SIPA1L1: variants seen among roughly 807,000 people sequenced by gnomAD.
SIPA1L1 encodes the protein signal-induced proliferation-associated 1-like protein 1.
Under a neutral mutation model 162.7 loss-of-function variants are expected in SIPA1L1, and 26 were observed. The observed-to-expected ratio is 0.16, with a 90% CI of 0.12 to 0.22. The LOEUF is 0.22. Ranked by LOEUF, SIPA1L1 falls within the 10% of genes least tolerant of loss-of-function variation. The pLI is 1.00. For missense variants in SIPA1L1, 1,874 were observed against 2,241.0 expected, an observed-to-expected ratio of 0.84 and a Z score of 3.31; for synonymous variants, 829 against 837.4, an observed-to-expected ratio of 0.99 and a Z score of 0.17.
intron 20 of SIPA1L1, 83 bp from the exon 21 acceptor site, chr14:71,733,583 A>G (rs941216463): frequency 4.4e-6 from 6 of 1,372,162 alleles, no homozygotes; most frequent in African/African-American, 2.9e-5. Context: ...CTTACAATCT[A>G]TTGTGGTAAC....
In SIPA1L1 at chr14:71,546,457, C is replaced by G. The variant is rs1446761006; in HGVS notation, c.-303+17087C>G. On this transcript the variant is annotated intron_variant, in intron 4 of 23. Coordinates refer to ENST00000381232, the MANE Select transcript of SIPA1L1 (RefSeq NM_001386936.1). ...GGTGCAGTGGCACAATCTCAGCTCA[C>G]TGCAACCTCCGCCTTCCAGGTTCAA... Among the ~76,000 whole-genome samples the G allele has an allele frequency of 4.1e-5, 6 of 147,814 alleles. No individual in the cohort carries two copies. In the Admixed American group the frequency reaches 4.1e-4, roughly 10 times the overall value.
At chr14:71,730,445 CCT>C in intron 20 of SIPA1L1, 144 bp downstream of exon 20, 2 of 920,184 alleles carry the variant, frequency 2.2e-6, no homozygotes, top group Admixed American at 2.4e-5. Context: ...CCTCATTTGC[CCT>C]CTCTCTCCTG....
At chr14:71,513,569 C>T (rs2051387635) in intron 3 of SIPA1L1, among the ~76,000 whole-genome samples, 1 of 152,080 alleles carries the variant, frequency 6.6e-6, no homozygotes, top group African/African-American at 2.4e-5. Context: ...CTCACTGTAA[C>T]CTCAAATTCG....
intron 8 of SIPA1L1, among the ~76,000 whole-genome samples, chr14:71,656,167 A>C (rs369780799): frequency 4.6e-5 from 7 of 152,234 alleles, no homozygotes; most frequent in Non-Finnish European, 2.9e-5. Flanking sequence ...GGCTGGTCAG[A>C]TAGCATACAT....
rs1356582384 is a variant in SIPA1L1, at chr14:71,702,494, C to G, written c.3635C>G (p.Ala1212Gly). The G allele has an allele frequency of 6.2e-7, 1 of 1,613,968 alleles. No individual in the cohort carries two copies. Among genetic ancestry groups the G allele is most frequent in the Non-Finnish European group, 8.5e-7 (1 of 1,179,944 alleles). Reference sequence around the variant, plus strand: ...TGGCAAAGAAGTGAGGATAGCATTGCTGACCAGATGGGTAAGTAATCAATT... The same window carrying G: ...TGGCAAAGAAGTGAGGATAGCATTGGTGACCAGATGGGTAAGTAATCAATT... ...PSWQRSEDSI[A>G]DQMEPTCHLP... The change falls in exon 15 of 24, where the codon GCT becomes GGT. Residue 1212 changes from alanine to glycine, a missense_variant. Physicochemically the swap from Ala to Gly is moderately conservative, Grantham distance 60 (BLOSUM62 0). Around this residue, in one of 5 missense-constraint regions of SIPA1L1, gnomAD observed 936 missense variants for 1,051.9 expected, o/e 0.89. Transcript: ENST00000381232.
intron 7 of SIPA1L1, among the ~76,000 whole-genome samples, chr14:71,644,679 G>A (rs996790044): frequency 6.6e-5 from 10 of 152,202 alleles, no homozygotes; most frequent in Non-Finnish European, 1.5e-4. Flanking sequence ...TAGAAAAAGA[G>A]TTAAGTGTTG....
chr14:71,729,416 G>A (rs1314745135), intron 19 of SIPA1L1, among the ~76,000 whole-genome samples: 2 of 152,152 alleles, frequency 1.3e-5, no homozygotes, highest in African/African-American at 4.8e-5. Context: ...TATCTACCTC[G>A]ATAGGTTCAG....
At chr14:71,534,714 T>C (rs530361576) in intron 4 of SIPA1L1, among the ~76,000 whole-genome samples, 21 of 152,292 alleles carry the variant, frequency 1.4e-4, no homozygotes, top group African/African-American at 4.3e-4. Context: ...TATCTGAATA[T>C]TTGGCTCCCT....
At chr14:71,723,512 G>C (rs2083935708) in intron 17 of SIPA1L1, 135 bp from the exon 18 acceptor site, 1 of 932,854 alleles carries the variant, frequency 1.1e-6, no homozygotes, top group Non-Finnish European at 1.6e-6. Context: ...AGGAAGGCCA[G>C]CCAGGCATCG....
chr14:71,426,499 T>TTTTC (rs1406333457), intron 2 of SIPA1L1, among the ~76,000 whole-genome samples: 1 of 147,242 alleles, frequency 6.8e-6, no homozygotes, highest in East Asian at 1.9e-4. Context: ...TTTTTTTTTT[T>TTTTC]TTTCCCAAAG....
chr14:71,598,380 T>G (rs1178074626), intron 5 of SIPA1L1: 1 of 261,066 alleles, frequency 3.8e-6, no homozygotes, highest in African/African-American at 2.3e-5. Flanking sequence ...GATAGTAACT[T>G]TATGGTGGAG....
At chr14:71,658,554 G>T in intron 9 of SIPA1L1, 118 bp downstream of exon 9, 1 of 711,000 alleles carries the variant, frequency 1.4e-6, no homozygotes. Context: ...CACAGCAGCG[G>T]GAAGCTTTGT....
At chr14:71,378,107 CT>C (rs34849312) in intron 2 of SIPA1L1, among the ~76,000 whole-genome samples, 24,788 of 145,996 alleles carry the variant, frequency 0.17, 2,617 homozygotes, top group Middle Eastern at 0.35. Context: ...TGTGTTTTGT[CT>C]TTTTTTTTTT....
chr14:71,519,909 C>A (rs1246138252), intron 3 of SIPA1L1, among the ~76,000 whole-genome samples: 1 of 151,878 alleles, frequency 6.6e-6, no homozygotes, highest in Non-Finnish European at 1.5e-5. Context: ...TGGATTATAA[C>A]CCACTGAATA....
rs765408013 is a variant in SIPA1L1 at position 71,672,503 on chromosome 14, G to A, written c.2985G>A (p.Val995=). 5.0e-6 allele frequency: 8 copies of A among 1,614,088 alleles called. No homozygotes were observed. The Admixed American group carries it at 1.2e-4, about 24-fold the overall frequency. The change falls in exon 12 of 24, where the codon GTG becomes GTA. Residue 995 remains valine (V), a synonymous_variant. Transcript: ENST00000381232. ...GGCTGAGGCAGGGCAGTCGCCTGGTGGAGATCTGCAAGGTGGCGGTAGCCA... is the reference window on the plus strand; with the variant it reads ...GGCTGAGGCAGGGCAGTCGCCTGGTAGAGATCTGCAAGGTGGCGGTAGCCA... ...QAGLRQGSRL[V]EICKVAVATL...
chr14:71,544,327 CAT>C (rs910672983), intron 4 of SIPA1L1, among the ~76,000 whole-genome samples: 1 of 150,088 alleles, frequency 6.7e-6, no homozygotes, highest in African/African-American at 2.5e-5. Context: ...TATGTATATA[CAT>C]ATATCATGTG....
intron 2 of SIPA1L1, among the ~76,000 whole-genome samples, chr14:71,495,250 C>A (rs2049645943): frequency 6.6e-6 from 1 of 151,932 alleles, no homozygotes; most frequent in Non-Finnish European, 1.5e-5. Flanking sequence ...GCCATCTAGT[C>A]CTGGTATTTT....
rs770541420 is a variant in SIPA1L1 at position 71,699,086 on chromosome 14, T to G, written c.3480T>G (p.Gly1160=). The change falls in exon 14 of 24, where the codon GGT becomes GGG. Residue 1160 remains glycine (G), a synonymous_variant. Transcript: ENST00000381232. The part of the protein sequence containing the change: ...PSNLSSSSDT[G]SVGGTYRQKS... ...ACTTGTCTTCATCCAGTGATACTGG[T>G]TCTGTGGGGGGCACTTACAGGCAGA... 1.1e-5 allele frequency: 18 copies of G among 1,614,076 alleles called. No individual in the cohort carries two copies. The highest frequency in any genetic ancestry group is 1.6e-4 in the Middle Eastern group (1 of 6,062).
At chr14:71,361,065 G>T (rs979453892) in intron 2 of SIPA1L1, among the ~76,000 whole-genome samples, 1 of 152,002 alleles carries the variant, frequency 6.6e-6, no homozygotes, top group African/African-American at 2.4e-5. Context: ...GAGAAAGACA[G>T]CAAACCTCAC....
Sources: gnomAD v4.1 joint callset for allele counts (sites outside exome capture counted in the v4.1 genomes callset) on GRCh38, gnomAD v4.1.1 for gene constraint, gnomAD v4.1.1 regional missense constraint, MANE v1.5 for transcripts, NCBI Gene and HGNC (gene_info 2026-07-23, HGNC 2026-07-21) for gene names.